The following VWA8 variants were observed in gnomAD, a reference collection of about 807,000 sequenced individuals.
The protein encoded by VWA8 is von Willebrand factor A domain-containing protein 8.
VWA8 carries 221 observed loss-of-function variants against 241.5 expected under a neutral mutation model. The observed-to-expected ratio is 0.91, with a 90% CI of 0.82 to 1.02. The LOEUF (loss-of-function observed/expected upper bound fraction) is 1.02. VWA8 is among the 50% of genes least tolerant of loss of function. VWA8 has a pLI of 0.00. For missense variants in VWA8, 2,322 were observed against 2,328.7 expected, an observed-to-expected ratio of 1.00 and a Z score of 0.06; for synonymous variants, 852 against 827.1, an observed-to-expected ratio of 1.03 and a Z score of -0.52.
intron 24 of VWA8, among the ~76,000 whole-genome samples, chr13:41,723,801 T>C (rs1469419832): frequency 6.6e-6 from 1 of 151,984 alleles, no homozygotes; most frequent in African/African-American, 2.4e-5. Flanking sequence ...TGGATATGAG[T>C]GTGAAGTTCA....
chr13:41,782,436 T>C (rs1272573874), intron 19 of VWA8, among the ~76,000 whole-genome samples: 1 of 152,238 alleles, frequency 6.6e-6, no homozygotes, highest in Admixed American at 6.5e-5. Context: ...TTGGAAATAG[T>C]ATGTTTTCCT....
chr13:41,735,946 C>T (rs1224994664), intron 21 of VWA8, among the ~76,000 whole-genome samples: 1 of 152,094 alleles, frequency 6.6e-6, no homozygotes, highest in Non-Finnish European at 1.5e-5. Context: ...TAATTCTCCA[C>T]ACAAATAAAC....
chr13:41,958,802 G>C (rs1181715435), intron 1 of VWA8, among the ~76,000 whole-genome samples: 1 of 152,176 alleles, frequency 6.6e-6, no homozygotes, highest in African/African-American at 2.4e-5. Flanking sequence ...ATTTAAAGAA[G>C]ATAGTATGTT....
Position 41,811,124 on chromosome 13 carries a change from T to G in VWA8, c.2063+101A>C. 3.1e-6 allele frequency: 3 copies of G among 982,092 alleles called. No homozygotes were observed. In the South Asian group the frequency reaches 4.8e-5, roughly 16 times the overall value. The allele number at this position is 982,092 out of a possible 1,614,324, so 60.8% of individuals were successfully genotyped here. On this transcript the variant is annotated intron_variant, in intron 17 of 44. Coordinates refer to ENST00000379310, the MANE Select transcript of VWA8 (RefSeq NM_015058.2). ...TGAAATAGCTCTACATTCAGACCAA[T>G]ATATTTTGAAGAATTGGGAATATGC...
intron 12 of VWA8, among the ~76,000 whole-genome samples, chr13:41,838,873 A>C (rs1424297666): frequency 1.3e-5 from 2 of 152,024 alleles, no homozygotes; most frequent in East Asian, 1.9e-4. Flanking sequence ...TTTTGTGACA[A>C]ATTTTCTTTA....
chr13:41,695,220 C>G (rs1302670943), intron 29 of VWA8, among the ~76,000 whole-genome samples: 1 of 152,026 alleles, frequency 6.6e-6, no homozygotes, highest in Non-Finnish European at 1.5e-5. Context: ...AAATTCTAAA[C>G]TTTGTACAGA....
In VWA8 at chr13:41,833,546, C is replaced by T. The variant is rs1348085528; in HGVS notation, c.1426-15G>A. 6.3e-7 allele frequency: 1 copy of T among 1,587,458 alleles called. No individual in the cohort carries two copies. Among genetic ancestry groups the T allele is most frequent in the Non-Finnish European group, 8.6e-7 (1 of 1,167,764 alleles). ...GCTGTCATATCCTAAAACAAATCCCCACCACCCAACAAAGAACATGACGAA... is the reference window on the plus strand; with the variant it reads ...GCTGTCATATCCTAAAACAAATCCCTACCACCCAACAAAGAACATGACGAA... On this transcript the variant is annotated splice_polypyrimidine_tract_variant and intron_variant, in intron 12 of 44. Coordinates refer to ENST00000379310, the MANE Select transcript of VWA8 (RefSeq NM_015058.2).
intron 24 of VWA8, among the ~76,000 whole-genome samples, chr13:41,726,840 C>A (rs1359202894): frequency 6.6e-6 from 1 of 152,002 alleles, no homozygotes; most frequent in Non-Finnish European, 1.5e-5. Context: ...ACTAAAAATA[C>A]AAAAATTAAC....
intron 17 of VWA8, among the ~76,000 whole-genome samples, chr13:41,795,649 A>G (rs1869659863): frequency 1.3e-5 from 2 of 152,230 alleles, no homozygotes; most frequent in Non-Finnish European, 2.9e-5. Flanking sequence ...TTGCAGGGAC[A>G]TGGATGGAAC....
chr13:41,659,821 A>G (rs1385746261), intron 37 of VWA8, among the ~76,000 whole-genome samples: 4 of 152,234 alleles, frequency 2.6e-5, no homozygotes, highest in Admixed American at 1.3e-4. Flanking sequence ...TACGTGTCCT[A>G]TAGAGATAAG....
At chr13:41,659,396 T>C (rs547805842) in intron 37 of VWA8, among the ~76,000 whole-genome samples, 1 of 152,354 alleles carries the variant, frequency 6.6e-6, no homozygotes, top group Non-Finnish European at 1.5e-5. Flanking sequence ...TTTATAATAA[T>C]TAAATGAATT....
In VWA8 at chr13:41,567,350, A is replaced by C. The variant is rs2044268020; in HGVS notation, c.*847T>G. ...TTTGCTTTAGGTAATTTTTATATGA[A>C]TATTCTCAATAAATAATTTTCGTGT... On this transcript the variant is annotated 3_prime_UTR_variant, in exon 45 of 45. Coordinates refer to ENST00000379310, the MANE Select transcript of VWA8 (RefSeq NM_015058.2). 6.6e-6 allele frequency: 1 copy of C among 152,346 alleles called. No individual in the cohort carries two copies. The highest frequency in any genetic ancestry group is 1.9e-4 in the East Asian group (1 of 5,194). The allele number at this position is 152,346 out of a possible 1,614,324, so 9.4% of individuals were successfully genotyped here.
At chr13:41,874,312 A>G (rs1457736412) in intron 9 of VWA8, among the ~76,000 whole-genome samples, 1 of 151,172 alleles carries the variant, frequency 6.6e-6, no homozygotes, top group African/African-American at 2.4e-5. Flanking sequence ...CCTATTCAAC[A>G]TAGTGTTGGA....
intron 31 of VWA8, 51 bp downstream of exon 31, chr13:41,691,823 A>G (rs1478597267): frequency 7.4e-7 from 1 of 1,356,038 alleles, no homozygotes; most frequent in African/African-American, 1.5e-5. Flanking sequence ...TAGGAAATAG[A>G]ATGGGCCAAA....
intron 20 of VWA8, among the ~76,000 whole-genome samples, chr13:41,777,578 A>G (rs1868664702): frequency 1.3e-5 from 2 of 152,220 alleles, no homozygotes. Context: ...TCAGCAAAAA[A>G]GAGAGGCTCA....
chr13:41,821,889 T>C (rs2137987920), intron 14 of VWA8, among the ~76,000 whole-genome samples: 1 of 152,226 alleles, frequency 6.6e-6, no homozygotes, highest in South Asian at 2.1e-4. Flanking sequence ...TTAAGCTATG[T>C]GAAAGAAGCC....
chr13:41,789,691 G>A (rs1178005458), intron 17 of VWA8, among the ~76,000 whole-genome samples: 3 of 152,084 alleles, frequency 2.0e-5, no homozygotes, highest in Admixed American at 6.6e-5. Context: ...GTTAAGGGTC[G>A]GGGTATTCTC....
chr13:41,880,610 CTA>C (rs1874124541), intron 9 of VWA8, among the ~76,000 whole-genome samples: 1 of 152,340 alleles, frequency 6.6e-6, no homozygotes, highest in South Asian at 2.1e-4. Context: ...TGGAACATTT[CTA>C]TGTTTTTCCC....
intron 12 of VWA8, among the ~76,000 whole-genome samples, chr13:41,845,839 G>A (rs1360771732): frequency 6.6e-6 from 1 of 152,146 alleles, no homozygotes; most frequent in African/African-American, 2.4e-5. Context: ...GAGTGGGAGG[G>A]AAGAAGTGAA....
Sources: allele counts gnomAD v4.1 joint callset (sites outside exome capture counted in the v4.1 genomes callset), GRCh38; gene constraint gnomAD v4.1.1; transcripts MANE v1.5; gene names NCBI Gene and HGNC (gene_info 2026-07-23, HGNC 2026-07-21).